Variants in ASGR2 observed in about 807,000 individuals in gnomAD.
ASGR2 encodes C-type lectin domain family 4 member H2.
Under a neutral mutation model 32.3 loss-of-function variants are expected in ASGR2, and 34 were observed. That is an observed-to-expected ratio of 1.05 (90% CI 0.80 to 1.40). The LOEUF (loss-of-function observed/expected upper bound fraction) is 1.40. Ranked by LOEUF, ASGR2 falls within the 40% of genes most tolerant of loss-of-function variation. ASGR2 has a pLI of 0.00. For synonymous variants in ASGR2, 143 were observed against 150.0 expected, an observed-to-expected ratio of 0.95 and a Z score of 0.34; for missense variants, 385 against 386.4, an observed-to-expected ratio of 1.00 and a Z score of 0.03.
In ASGR2 at chr17:7,105,932, G is replaced by C. The variant is rs184947750; in HGVS notation, c.648+1068C>G. ...GCCTCCTGAGTAGCTGGGATTACAG[G>C]CACCCGCCACCATGCCCGGCTAATT... On this transcript the variant is annotated intron_variant, in intron 7 of 8. Transcript: ENST00000691900. 6.8e-3 allele frequency among the ~76,000 whole-genome samples: 1,027 copies of C among 151,980 alleles called. 8 individuals are homozygous for C. The highest frequency in any genetic ancestry group is 0.021 in the African/African-American group (874 of 41,432).
chr17:7,105,004 C>G (rs1215447357), intron 7 of ASGR2, among the ~76,000 whole-genome samples: 1 of 141,524 alleles, frequency 7.1e-6, no homozygotes, highest in South Asian at 2.2e-4. Context: ...TTTTTTTTTT[C>G]AGATACAACA....
In ASGR2 at chr17:7,108,764, A is replaced by G; in HGVS notation, c.241+8T>C. 1.9e-6 allele frequency: 3 copies of G among 1,613,798 alleles called. No homozygotes were observed. The highest frequency in any genetic ancestry group is 2.5e-6 in the Non-Finnish European group (3 of 1,179,960). ...TTGCCCATCCCTGCTGGCCCCCGTG[A>G]CCCTCACTTTGGGACCCAGTCACAC... On this transcript the variant is annotated splice_region_variant and intron_variant, in intron 3 of 8. Coordinates refer to ENST00000691900, the MANE Select transcript of ASGR2 (RefSeq NM_001201352.2). This position sits in a 1 kb window ranked among gnomAD's most constrained non-coding sequence, Gnocchi z 4.9.
At chr17:7,109,256 G>C (rs1914317816) in intron 2 of ASGR2, among the ~76,000 whole-genome samples, 1 of 152,074 alleles carries the variant, frequency 6.6e-6, no homozygotes. Context: ...TGAGAAGGGG[G>C]ATCTGTGAAT....
rs190813014 is a variant in ASGR2, at chr17:7,109,005, G to A, written c.125-117C>T. The A allele has an allele frequency of 2.0e-4, 189 of 936,456 alleles. 2 individuals are homozygous for A. In the East Asian group the frequency reaches 5.1e-3, roughly 25 times the overall value. The allele number at this position is 936,456 out of a possible 1,614,324, so 58.0% of individuals were successfully genotyped here. A position where few individuals can be genotyped will look rare whatever the true frequency, so the allele number is the denominator to read the frequency against. On this transcript the variant is annotated intron_variant, in intron 2 of 8. Transcript: ENST00000691900. ...GGCGGGGGGATTGGTTGGGGCCATG[G>A]GGGGGGGTCATCATAGGCTTTGACC...
intron 7 of ASGR2, 136 bp from the exon 8 acceptor site, chr17:7,102,332 G>T: frequency 1.4e-6 from 1 of 724,862 alleles, no homozygotes; most frequent in Non-Finnish European, 2.5e-6. Context: ...CTCCCGACAA[G>T]ACTGCTTCCT....
At chr17:7,104,662 A>G (rs1434490426) in intron 7 of ASGR2, among the ~76,000 whole-genome samples, 1 of 151,068 alleles carries the variant, frequency 6.6e-6, no homozygotes, top group Non-Finnish European at 1.5e-5. Flanking sequence ...AAAAATAAAA[A>G]TAAACAAAAA....
rs183680668 is a variant in ASGR2 at position 7,110,734 on chromosome 17, G to A, written c.125-1846C>T. On this transcript the variant is annotated intron_variant, in intron 2 of 8. Transcript: ENST00000691900. ...AAAAGACAGGGTCTGCCCAAGATGG[G>A]AAGAGTTCTTCTCTCCCCAGAAACA... is the stretch of plus-strand genomic sequence containing the variant. 6.6e-5 allele frequency among the ~76,000 whole-genome samples: 10 copies of A among 152,340 alleles called. No homozygotes were observed. The East Asian group carries it at 1.9e-3, about 29-fold the overall frequency.
At chr17:7,115,096 G>T, upstream of ASGR2, 1 of 822,066 alleles carries the variant, frequency 1.2e-6, no homozygotes, top group African/African-American at 1.8e-5. The surrounding 1 kb of genome is among the most constrained non-coding windows in gnomAD (Gnocchi z 4.2). Context: ...CAGGATCACA[G>T]CGACCAGTTC....
Position 7,108,999 on chromosome 17 carries a change from G to C in ASGR2, c.125-111C>G. Reference sequence around the variant, plus strand: ...AACCTGGGCGGGGGGATTGGTTGGGGCCATGGGGGGGGGTCATCATAGGCT... The same window carrying C: ...AACCTGGGCGGGGGGATTGGTTGGGCCCATGGGGGGGGGTCATCATAGGCT... On this transcript the variant is annotated intron_variant, in intron 2 of 8. Coordinates refer to ENST00000691900, the MANE Select transcript of ASGR2 (RefSeq NM_001201352.2). The surrounding 1 kb of genome is among the most constrained non-coding windows in gnomAD (Gnocchi z 4.9). 18 of 492,654 alleles carry C rather than the reference G, an allele frequency of 3.7e-5. No individual in the cohort carries two copies. The highest frequency in any genetic ancestry group is 6.1e-5 in the Admixed American group (2 of 32,562). The allele number at this position is 492,654 out of a possible 1,614,324, so 30.5% of individuals were successfully genotyped here.
intron 2 of ASGR2, among the ~76,000 whole-genome samples, chr17:7,110,262 A>T (rs2151729313): frequency 6.6e-6 from 1 of 150,976 alleles, no homozygotes; most frequent in South Asian, 2.1e-4. Flanking sequence ...TCCACTGCCC[A>T]CTCCCGCTCT....
chr17:7,104,432 A>G (rs1040461807), intron 7 of ASGR2, among the ~76,000 whole-genome samples: 1 of 150,416 alleles, frequency 6.6e-6, no homozygotes. Flanking sequence ...CGGGAGGATC[A>G]CCTGAGGTCA....
chr17:7,102,326 C>T (rs758778470), intron 7 of ASGR2, 130 bp from the exon 8 acceptor site: 34 of 740,330 alleles, frequency 4.6e-5, no homozygotes, highest in Non-Finnish European at 6.9e-5. Context: ...CACCAGCTCC[C>T]GACAAGACTG....
rs1171441062 is a variant in ASGR2, at chr17:7,108,682, TC to T, written c.241+89del. The stretch of plus-strand genomic sequence containing the variant: ...TGTGCTCCACCCCGCCTCCATCCCT[TC>T]CCCTCCCATCGCCCCGATCGCTGCC... On this transcript the variant is annotated intron_variant, in intron 3 of 8. Coordinates refer to ENST00000691900, the MANE Select transcript of ASGR2 (RefSeq NM_001201352.2). This position sits in a 1 kb window ranked among gnomAD's most constrained non-coding sequence, Gnocchi z 4.9. The T allele has an allele frequency of 3.6e-5, 58 of 1,606,844 alleles. No homozygotes were observed. The highest frequency in any genetic ancestry group is 8.4e-5 in the Admixed American group (5 of 59,766).
At chr17:7,111,548 C>T (rs538240278) in intron 2 of ASGR2, among the ~76,000 whole-genome samples, 2 of 151,186 alleles carry the variant, frequency 1.3e-5, no homozygotes, top group African/African-American at 4.9e-5. Context: ...CCCAGCTACT[C>T]GGGAGGCTGA....
chr17:7,104,217 G>C (rs2840110), intron 7 of ASGR2, among the ~76,000 whole-genome samples: 1 of 151,770 alleles, frequency 6.6e-6, no homozygotes, highest in Non-Finnish European at 1.5e-5. Flanking sequence ...GCGTGTTGGC[G>C]CATGCCTGTA....
At chr17:7,112,624 G>A (rs775001802) in intron 2 of ASGR2, among the ~76,000 whole-genome samples, 13 of 152,142 alleles carry the variant, frequency 8.5e-5, no homozygotes, top group Non-Finnish European at 1.5e-4. Flanking sequence ...TGGGGACACC[G>A]CCTGGTGGGA....
upstream of ASGR2, chr17:7,114,996 G>T: frequency 1.0e-6 from 1 of 985,884 alleles, no homozygotes. This position sits in a 1 kb window ranked among gnomAD's most constrained non-coding sequence, Gnocchi z 4.5. Flanking sequence ...AGGGGCTGGG[G>T]TGCAGTTTGC....
chr17:7,109,416 C>G (rs1414821231), intron 2 of ASGR2, among the ~76,000 whole-genome samples: 1 of 152,030 alleles, frequency 6.6e-6, no homozygotes, highest in Non-Finnish European at 1.5e-5. Flanking sequence ...ACAGTCCCTC[C>G]CCTGCCAAAA....
chr17:7,107,623 C>T lies in ASGR2; in HGVS notation c.409+213G>A. On this transcript the variant is annotated intron_variant, in intron 5 of 8. Coordinates refer to ENST00000691900, the MANE Select transcript of ASGR2 (RefSeq NM_001201352.2). The surrounding 1 kb of genome is among the most constrained non-coding windows in gnomAD (Gnocchi z 5.0). ...ACACCACCACACATGCATACACACA[C>T]AACACACACATATACACCACACTAC... The T allele has an allele frequency of 1.4e-6, 1 of 690,270 alleles. No homozygotes were observed. The highest frequency in any genetic ancestry group is 1.8e-5 in the South Asian group (1 of 56,954). 42.8% of individuals were successfully genotyped at this position (690,270 alleles called of 1,614,324 possible).
Sources: gnomAD v4.1 joint callset for allele counts (sites outside exome capture counted in the v4.1 genomes callset) on GRCh38, gnomAD v4.1.1 for gene constraint, Gnocchi (gnomAD v3.1) non-coding constraint, MANE v1.5 for transcripts, NCBI Gene and HGNC (gene_info 2026-07-23, HGNC 2026-07-21) for gene names.